The following NUBPL variants were observed in gnomAD, a reference collection of about 807,000 sequenced individuals.
NUBPL encodes iron-sulfur cluster transfer protein NUBPL.
In NUBPL, 31 loss-of-function variants were observed where a neutral mutation model predicts 45.7. The ratio of observed to expected loss-of-function variants is 0.68; its 90% confidence interval spans 0.51 to 0.92. The LOEUF is 0.92. Ranked by LOEUF, NUBPL falls within the 40% of genes least tolerant of loss-of-function variation. The pLI is 0.00. For synonymous variants in NUBPL, 144 were observed against 140.9 expected, an observed-to-expected ratio of 1.02 and a Z score of -0.15; for missense variants, 401 against 398.7, an observed-to-expected ratio of 1.01 and a Z score of -0.05.
At chr14:31,742,785 T>TTTTTTC (rs2038314319) in intron 6 of NUBPL, among the ~76,000 whole-genome samples, 1 of 151,138 alleles carries the variant, frequency 6.6e-6, no homozygotes, top group African/African-American at 2.4e-5. Context: ...TTTTTTTTTT[T>TTTTTTC]TGGTAGAGGT....
chr14:31,618,000 C>G (rs1376772145), intron 4 of NUBPL, among the ~76,000 whole-genome samples: 2 of 152,096 alleles, frequency 1.3e-5, no homozygotes, highest in African/African-American at 2.4e-5. Flanking sequence ...CTGGTTTAGT[C>G]TTGGGAAGGT....
intron 10 of NUBPL, 78 bp from the exon 11 acceptor site, chr14:31,859,040 C>T: frequency 4.0e-6 from 5 of 1,237,676 alleles, no homozygotes; most frequent in Non-Finnish European, 4.7e-6. Flanking sequence ...TACAGTGGGC[C>T]TCTATAACAA....
intron 6 of NUBPL, among the ~76,000 whole-genome samples, chr14:31,706,537 G>T (rs2037456873): frequency 6.6e-6 from 1 of 152,234 alleles, no homozygotes; most frequent in Admixed American, 6.5e-5. Flanking sequence ...GAAAGGCGTT[G>T]TCTGATTTCA....
At chr14:31,688,652 G>GTTTTTTTTTTTTTTT (rs552419842) in intron 6 of NUBPL, among the ~76,000 whole-genome samples, 1 of 99,158 alleles carries the variant, frequency 1.0e-5, no homozygotes, top group African/African-American at 4.0e-5. Flanking sequence ...ACAGGTTTTT[G>GTTTTTTTTTTTTTTT]TTGTTGTTTT....
intron 4 of NUBPL, among the ~76,000 whole-genome samples, chr14:31,636,996 T>G (rs1258134507): frequency 6.6e-6 from 1 of 152,220 alleles, no homozygotes; most frequent in Non-Finnish European, 1.5e-5. Context: ...TCTGTATTAG[T>G]CTTGCTGGTG....
chr14:31,741,070 C>T (rs1182695322), intron 6 of NUBPL, among the ~76,000 whole-genome samples: 1 of 152,160 alleles, frequency 6.6e-6, no homozygotes, highest in African/African-American at 2.4e-5. Context: ...AAAAAAATGT[C>T]TGGTCTGATA....
At chr14:31,619,932 A>T (rs1299885629) in intron 4 of NUBPL, among the ~76,000 whole-genome samples, 1 of 151,942 alleles carries the variant, frequency 6.6e-6, no homozygotes, top group Non-Finnish European at 1.5e-5. Context: ...TCACATGTAG[A>T]TTTGGCCTAT....
At chr14:31,704,794 T>C (rs569769517) in intron 6 of NUBPL, among the ~76,000 whole-genome samples, 2 of 152,326 alleles carry the variant, frequency 1.3e-5, no homozygotes, top group South Asian at 2.1e-4. Context: ...AGAGTTCACA[T>C]AGACAATAAA....
intron 6 of NUBPL, among the ~76,000 whole-genome samples, chr14:31,678,895 T>C (rs2036762910): frequency 6.6e-6 from 1 of 152,120 alleles, no homozygotes; most frequent in Non-Finnish European, 1.5e-5. Context: ...CTAGACTCCC[T>C]TTGAAGTTTA....
intron 4 of NUBPL, among the ~76,000 whole-genome samples, chr14:31,635,590 T>G (rs1404483547): frequency 1.3e-5 from 2 of 151,916 alleles, no homozygotes; most frequent in African/African-American, 4.8e-5. Flanking sequence ...TTTGGTTCCA[T>G]ATGAACTTTA....
intron 3 of NUBPL, among the ~76,000 whole-genome samples, chr14:31,586,674 G>C (rs1029504731): frequency 2.0e-5 from 3 of 152,154 alleles, no homozygotes; most frequent in African/African-American, 7.2e-5. Flanking sequence ...GATCAGGATT[G>C]GATCTCATGA....
chr14:31,798,438 C>T (rs1029750394), intron 7 of NUBPL, among the ~76,000 whole-genome samples: 2 of 150,400 alleles, frequency 1.3e-5, no homozygotes, highest in African/African-American at 4.9e-5. Flanking sequence ...CTTGCAGGCT[C>T]TATATTAAAT....
chr14:31,659,063 A>G lies in NUBPL; in HGVS notation c.383-14292A>G, dbSNP rs76065355. 2.4e-4 allele frequency among the ~76,000 whole-genome samples: 37 copies of G among 152,324 alleles called. No homozygotes were observed. In the East Asian group the frequency reaches 6.2e-3, roughly 25 times the overall value. ...GGCTGCCATGGAAGAAAGGGATTAC[A>G]TAAGCTGAGAGAAGGCTGAGGATAA... On this transcript the variant is annotated intron_variant, in intron 4 of 10. Transcript: ENST00000281081.
intron 6 of NUBPL, among the ~76,000 whole-genome samples, chr14:31,765,338 T>C (rs1289967521): frequency 6.6e-6 from 1 of 152,248 alleles, no homozygotes; most frequent in Non-Finnish European, 1.5e-5. Flanking sequence ...CACATTCAGA[T>C]CATTTTGTAA....
At chr14:31,704,404 C>T (rs2037402552) in intron 6 of NUBPL, among the ~76,000 whole-genome samples, 1 of 152,184 alleles carries the variant, frequency 6.6e-6, no homozygotes, top group South Asian at 2.1e-4. Context: ...TGGCCCACGC[C>T]TGTAATCCCA....
At chr14:31,676,132 C>T (rs1824491016) in intron 6 of NUBPL, among the ~76,000 whole-genome samples, 1 of 151,938 alleles carries the variant, frequency 6.6e-6, no homozygotes, top group South Asian at 2.1e-4. Flanking sequence ...AAGCAATTCT[C>T]CTGCCTCAGC....
intron 6 of NUBPL, among the ~76,000 whole-genome samples, chr14:31,779,503 C>G (rs1455030760): frequency 1.3e-5 from 2 of 152,128 alleles, no homozygotes; most frequent in Non-Finnish European, 2.9e-5. Flanking sequence ...ATCAACTGCT[C>G]TGAGACAAGG....
chr14:31,790,134 A>G (rs186466411), intron 7 of NUBPL, among the ~76,000 whole-genome samples: 1 of 152,336 alleles, frequency 6.6e-6, no homozygotes, highest in African/African-American at 2.4e-5. Flanking sequence ...TGGCACCTTG[A>G]AAAAGTTTAA....
chr14:31,637,383 A>G (rs12147115), intron 4 of NUBPL, among the ~76,000 whole-genome samples: 78,762 of 151,966 alleles, frequency 0.52, 22,347 homozygotes, highest in Non-Finnish European at 0.63. Flanking sequence ...TTCAGTTTCC[A>G]TGTAGTTGAG....
Sources: gnomAD v4.1 joint callset for allele counts (sites outside exome capture counted in the v4.1 genomes callset) on GRCh38, gnomAD v4.1.1 for gene constraint, MANE v1.5 for transcripts, NCBI Gene and HGNC (gene_info 2026-07-23, HGNC 2026-07-21) for gene names.